CHODL: variants seen among roughly 807,000 people sequenced by gnomAD.
CHODL encodes transmembrane protein MT75.
Under a neutral mutation model 34.5 loss-of-function variants are expected in CHODL, and 29 were observed. That is an observed-to-expected ratio of 0.84 (90% CI 0.63 to 1.15). The LOEUF is 1.15. CHODL is among the 50% of genes most tolerant of loss of function. CHODL has a pLI of 0.00. For synonymous variants in CHODL, 125 were observed against 116.1 expected, an observed-to-expected ratio of 1.08 and a Z score of -0.49; for missense variants, 332 against 332.5, an observed-to-expected ratio of 1.00 and a Z score of 0.01.
intron 2 of CHODL, among the ~76,000 whole-genome samples, chr21:18,160,698 G>A (rs2073085847): frequency 6.6e-6 from 1 of 152,146 alleles, no homozygotes; most frequent in Admixed American, 6.5e-5. Context: ...ATTCCATTGT[G>A]TATATATACT....
intron 2 of CHODL, among the ~76,000 whole-genome samples, chr21:18,030,432 T>C (rs2064234550): frequency 6.6e-6 from 1 of 152,138 alleles, no homozygotes; most frequent in African/African-American, 2.4e-5. Flanking sequence ...GTGAGAGACC[T>C]TTTGTCAGAA....
At chr21:18,011,735 G>A (rs992456190) in intron 1 of CHODL, among the ~76,000 whole-genome samples, 2 of 152,154 alleles carry the variant, frequency 1.3e-5, no homozygotes, top group Non-Finnish European at 2.9e-5. Flanking sequence ...TAAAGCTCAG[G>A]TAATAATAAA....
intron 2 of CHODL, among the ~76,000 whole-genome samples, chr21:18,121,983 A>G (rs906653646): frequency 1.3e-5 from 2 of 152,150 alleles, no homozygotes; most frequent in Non-Finnish European, 2.9e-5. Flanking sequence ...TAAATGCTCT[A>G]TTTATCTATC....
chr21:18,164,163 C>T (rs1210101987), intron 2 of CHODL, among the ~76,000 whole-genome samples: 1 of 152,132 alleles, frequency 6.6e-6, no homozygotes, highest in African/African-American at 2.4e-5. Context: ...GCAACAGGAC[C>T]CAGGCTGCCA....
rs562839979 is a variant in CHODL, at chr21:17,964,407, G to A, written c.-145+47007G>A. Among the ~76,000 whole-genome samples, 3 of 152,298 alleles carry A rather than the reference G, an allele frequency of 2.0e-5. No individual in the cohort carries two copies. In the East Asian group the frequency reaches 5.8e-4, roughly 29 times the overall value. ...CTGAACATGAAAATGCCAAAACGAA[G>A]GAGAATTCATTTATTTAAGTTTAAA... On this transcript the variant is annotated intron_variant, in intron 1 of 6. Coordinates refer to the CHODL transcript ENST00000400127.
upstream of CHODL, chr21:18,244,701 T>A (rs1458873948): frequency 1.3e-5 from 2 of 152,790 alleles, no homozygotes; most frequent in East Asian, 1.9e-4. Context: ...TCAAAGGGGC[T>A]CCCGTGTTTA....
intron 2 of CHODL, among the ~76,000 whole-genome samples, chr21:18,073,461 T>C (rs1234639223): frequency 6.6e-6 from 1 of 152,156 alleles, no homozygotes; most frequent in East Asian, 1.9e-4. Context: ...ATGTATGGCA[T>C]GGCATGAAGC....
chr21:18,008,755 C>G lies in CHODL; in HGVS notation c.-144-19117C>G, dbSNP rs980546967. Among the ~76,000 whole-genome samples the G allele has an allele frequency of 3.9e-5, 6 of 152,172 alleles. No individual in the cohort carries two copies. The East Asian group carries it at 7.7e-4, about 20-fold the overall frequency. On this transcript the variant is annotated intron_variant, in intron 1 of 6. Coordinates refer to the CHODL transcript ENST00000400127. Reference sequence around the variant, plus strand: ...TGTAATTTCCCTTGTGTAAATTGTTCCAATTTTTGTAATGATAGGGACAGA... The same window carrying G: ...TGTAATTTCCCTTGTGTAAATTGTTGCAATTTTTGTAATGATAGGGACAGA...
At chr21:18,209,125 C>G (rs147447207) in intron 2 of CHODL, among the ~76,000 whole-genome samples, 6,106 of 152,252 alleles carry the variant, frequency 0.04, 157 homozygotes, top group Non-Finnish European at 0.059. Context: ...ATCTCCCTGG[C>G]CCTGGGCAGA....
chr21:18,062,240 G>A (rs2064676145), intron 2 of CHODL, among the ~76,000 whole-genome samples: 1 of 152,046 alleles, frequency 6.6e-6, no homozygotes, highest in South Asian at 2.1e-4. Flanking sequence ...TGAGCTTTGA[G>A]GTTGGAATAT....
At chr21:17,917,682 T>C (rs1337834636) in intron 1 of CHODL, among the ~76,000 whole-genome samples, 2 of 152,164 alleles carry the variant, frequency 1.3e-5, no homozygotes, top group African/African-American at 4.8e-5. Flanking sequence ...GTGCCTTCTA[T>C]TGGCCAAACC....
chr21:18,108,619 C>T (rs1343026553), intron 2 of CHODL, among the ~76,000 whole-genome samples: 1 of 152,124 alleles, frequency 6.6e-6, no homozygotes, highest in Non-Finnish European at 1.5e-5. Context: ...TTGGCTGCCC[C>T]CCAGTACTGC....
At chr21:18,138,188 C>A (rs1416504459) in intron 2 of CHODL, among the ~76,000 whole-genome samples, 1 of 151,608 alleles carries the variant, frequency 6.6e-6, no homozygotes, top group East Asian at 1.9e-4. Flanking sequence ...GTCCAGAGCC[C>A]CTTACTCTAT....
At position 18,013,347 on chromosome 21, in the gene CHODL, T is replaced by G. The variant is rs537531612; in HGVS notation, c.-144-14525T>G. ...TCTCTAGTTGTCTGCCCGTGGTCAT[T>G]CAAAAGGAGGTCTAATGCTCATCTC... On this transcript the variant is annotated intron_variant, in intron 1 of 6. Transcript: ENST00000400127. Among the ~76,000 whole-genome samples the G allele has an allele frequency of 5.0e-3, 762 of 151,856 alleles. 4 individuals carry two copies. The highest frequency in any genetic ancestry group is 0.019 in the South Asian group (90 of 4,804).
upstream of CHODL, among the ~76,000 whole-genome samples, chr21:18,239,939 A>G (rs964906629): frequency 6.6e-6 from 1 of 151,968 alleles, no homozygotes; most frequent in Non-Finnish European, 1.5e-5. Context: ...AGAGAAAGAA[A>G]GAGGGAGGGA....
At chr21:18,088,295 G>C (rs921015832) in intron 2 of CHODL, among the ~76,000 whole-genome samples, 2 of 152,166 alleles carry the variant, frequency 1.3e-5, no homozygotes, top group African/African-American at 4.8e-5. Flanking sequence ...TATCAGGGCA[G>C]CAGGGTCACT....
At chr21:18,089,137 C>T (rs930673597) in intron 2 of CHODL, among the ~76,000 whole-genome samples, 6 of 152,100 alleles carry the variant, frequency 3.9e-5, no homozygotes, top group Admixed American at 2.6e-4. Flanking sequence ...CTTATTTTAC[C>T]AATCTTGTTG....
In CHODL at chr21:17,999,060, A is replaced by G. The variant is rs371656092; in HGVS notation, c.-144-28812A>G. Among the ~76,000 whole-genome samples the G allele has an allele frequency of 3.9e-5, 6 of 152,236 alleles. 1 individual carries two copies. Among genetic ancestry groups the G allele is most frequent in the Admixed American group, 1.3e-4 (2 of 15,294 alleles). Reference sequence around the variant, plus strand: ...AAACAGAATGCTTTTGACAGCACCCAAGTCACCTTTGAATGTTTTGCTGCT... The same window carrying G: ...AAACAGAATGCTTTTGACAGCACCCGAGTCACCTTTGAATGTTTTGCTGCT... On this transcript the variant is annotated intron_variant, in intron 1 of 6. Transcript: ENST00000400127.
chr21:18,011,794 A>G (rs1197164899), intron 1 of CHODL, among the ~76,000 whole-genome samples: 5 of 152,228 alleles, frequency 3.3e-5, no homozygotes, highest in Non-Finnish European at 7.3e-5. Flanking sequence ...GCCAAAGACA[A>G]TGACACTTTG....
Sources: gnomAD v4.1 joint callset for allele counts (sites outside exome capture counted in the v4.1 genomes callset) on GRCh38, gnomAD v4.1.1 for gene constraint, MANE v1.5 for transcripts, NCBI Gene and HGNC (gene_info 2026-07-23, HGNC 2026-07-21) for gene names.